FHOD3: variants seen among roughly 807,000 people sequenced by gnomAD.
FHOD3 encodes the protein FH1/FH2 domain-containing protein 3.
FHOD3 carries 90 observed loss-of-function variants against 173.0 expected under a neutral mutation model. That is an observed-to-expected ratio of 0.52 (90% CI 0.44 to 0.62). The LOEUF (loss-of-function observed/expected upper bound fraction) is 0.62. Among genes scored for constraint, FHOD3 ranks in the 20% least tolerant of loss-of-function variants. The pLI is 0.00. For synonymous variants in FHOD3, 828 were observed against 823.0 expected (o/e 1.01, Z -0.10); for missense variants, 1,945 against 2,034.7 (o/e 0.96, Z 0.85).
At chr18:36,693,662 AAG>A (rs1251622600) in intron 17 of FHOD3, among the ~76,000 whole-genome samples, 1 of 152,200 alleles carries the variant, frequency 6.6e-6, no homozygotes, top group African/African-American at 2.4e-5. Context: ...GCCATGGAAA[AAG>A]GAGAATATGG....
chr18:36,442,740 A>T (rs888383961), intron 3 of FHOD3, among the ~76,000 whole-genome samples: 2 of 152,204 alleles, frequency 1.3e-5, no homozygotes, highest in Non-Finnish European at 2.9e-5. Context: ...ATTAACATTG[A>T]TGCATTTCCA....
At chr18:36,748,382 A>AAAAC (rs2042250960) in intron 24 of FHOD3, among the ~76,000 whole-genome samples, 1 of 143,484 alleles carries the variant, frequency 7.0e-6, no homozygotes, top group Non-Finnish European at 1.5e-5. Flanking sequence ...ACACACACAC[A>AAAAC]ACACACACAC....
At chr18:36,683,702 C>A (rs2038408237) in intron 15 of FHOD3, among the ~76,000 whole-genome samples, 1 of 152,162 alleles carries the variant, frequency 6.6e-6, no homozygotes. Context: ...TAGAGAATTC[C>A]TGTTATTTCT....
intron 3 of FHOD3, among the ~76,000 whole-genome samples, chr18:36,395,868 G>A (rs546614123): frequency 1.3e-5 from 2 of 152,202 alleles, no homozygotes; most frequent in South Asian, 4.1e-4. Context: ...ACTTCTAAGA[G>A]GTAATTTGTC....
rs1156326898 is a variant in FHOD3 at position 36,755,110 on chromosome 18, TCC to T, written c.4233-8_4233-7del. The T allele has an allele frequency of 1.3e-6, 2 of 1,552,152 alleles. No individual in the cohort carries two copies. The highest frequency in any genetic ancestry group is 1.9e-5 in the Admixed American group (1 of 52,164). On this transcript the variant is annotated splice_polypyrimidine_tract_variant and splice_region_variant and intron_variant, in intron 24 of 28. Transcript: ENST00000590592. ...GGAAGTCATTGCTATTACTGTTTTTTCCTTGCAGATTCCACTCCTTTTTACTC... is the reference window on the plus strand; with the variant it reads ...GGAAGTCATTGCTATTACTGTTTTTTTTGCAGATTCCACTCCTTTTTACTC...
intron 3 of FHOD3, among the ~76,000 whole-genome samples, chr18:36,462,818 G>A (rs1254371715): frequency 1.3e-5 from 2 of 152,126 alleles, no homozygotes; most frequent in Non-Finnish European, 2.9e-5. Context: ...ATAGAGATGG[G>A]ATCTACCTAT....
At chr18:36,496,388 T>C (rs1174833260) in intron 3 of FHOD3, among the ~76,000 whole-genome samples, 2 of 152,174 alleles carry the variant, frequency 1.3e-5, no homozygotes, top group Non-Finnish European at 2.9e-5. Context: ...AAATGACAAA[T>C]TATATGTCAT....
At chr18:36,602,920 G>A in intron 8 of FHOD3, 152 bp downstream of exon 8, 1 of 639,948 alleles carries the variant, frequency 1.6e-6, no homozygotes, top group East Asian at 2.7e-5. Context: ...CAGCATGACT[G>A]TGTTCTTATA....
At position 36,753,970 on chromosome 18, in the gene FHOD3, A is replaced by G. The variant is rs541011602; in HGVS notation, c.4233-1149A>G. Reference sequence around the variant, plus strand: ...CTTATTAGACACATGACTTGCAAATATTTTCTCCTATCTTTTAGATTGTCT... The same window carrying G: ...CTTATTAGACACATGACTTGCAAATGTTTTCTCCTATCTTTTAGATTGTCT... On this transcript the variant is annotated intron_variant, in intron 24 of 28. Transcript: ENST00000590592. Among the ~76,000 whole-genome samples, 22 of 152,194 alleles carry G rather than the reference A, an allele frequency of 1.4e-4. No individual in the cohort carries two copies. In the South Asian group the frequency reaches 1.9e-3, roughly 13 times the overall value.
At position 36,594,901 on chromosome 18, in the gene FHOD3, G is replaced by T; in HGVS notation, c.718+3G>T. On this transcript the variant is annotated splice_donor_region_variant and intron_variant, in intron 7 of 28. Transcript: ENST00000590592. ...CACTGCTGTTGACACGAAAAGAGGTGAGTAGTCCCTGCCCCCTTATGTCAT... is the reference window on the plus strand; with the variant it reads ...CACTGCTGTTGACACGAAAAGAGGTTAGTAGTCCCTGCCCCCTTATGTCAT... 1 of 1,599,910 alleles carries T rather than the reference G, an allele frequency of 6.3e-7. No homozygotes were observed. The highest frequency in any genetic ancestry group is 8.6e-7 in the Non-Finnish European group (1 of 1,168,268).
At chr18:36,477,594 C>T (rs937911497) in intron 3 of FHOD3, among the ~76,000 whole-genome samples, 7 of 118,632 alleles carry the variant, frequency 5.9e-5, no homozygotes, top group Admixed American at 3.5e-4. Context: ...TACCTACCTA[C>T]CTACCTATCT....
intron 1 of FHOD3, among the ~76,000 whole-genome samples, chr18:36,302,246 C>T (rs1314951732): frequency 2.0e-5 from 3 of 152,138 alleles, no homozygotes; most frequent in African/African-American, 7.2e-5. Flanking sequence ...TTTCTCACTA[C>T]CCTTGTCTTT....
At chr18:36,336,424 G>A (rs990084498) in intron 1 of FHOD3, among the ~76,000 whole-genome samples, 1 of 152,202 alleles carries the variant, frequency 6.6e-6, no homozygotes, top group African/African-American at 2.4e-5. Flanking sequence ...GATGGTGACT[G>A]ATGACAGATC....
intron 1 of FHOD3, among the ~76,000 whole-genome samples, chr18:36,321,349 T>TG (rs140885834): frequency 0.03 from 4,500 of 152,098 alleles, 221 homozygotes; most frequent in African/African-American, 0.1. Flanking sequence ...AATAATGAGA[T>TG]GGGGGTCCCC....
intron 3 of FHOD3, among the ~76,000 whole-genome samples, chr18:36,457,166 G>A (rs1278581022): frequency 6.6e-6 from 1 of 152,188 alleles, no homozygotes; most frequent in African/African-American, 2.4e-5. Context: ...GAGAGGGACA[G>A]GTGAGGAGAA....
intron 3 of FHOD3, among the ~76,000 whole-genome samples, chr18:36,378,975 G>A (rs968551396): frequency 3.9e-4 from 59 of 152,274 alleles, no homozygotes; most frequent in Admixed American, 2.6e-3. Flanking sequence ...ATGAGCCACC[G>A]TGTCTGGCCA....
intron 7 of FHOD3, among the ~76,000 whole-genome samples, chr18:36,598,647 G>C (rs549057373): frequency 3.9e-5 from 6 of 151,976 alleles, no homozygotes; most frequent in African/African-American, 1.4e-4. Context: ...CCACCTCTGC[G>C]TTACGCCATT....
At chr18:36,500,259 A>G (rs2054961641) in intron 3 of FHOD3, among the ~76,000 whole-genome samples, 1 of 152,164 alleles carries the variant, frequency 6.6e-6, no homozygotes, top group South Asian at 2.1e-4. Context: ...TCTGGTAGGG[A>G]GACCTTTGAA....
At chr18:36,729,072 C>T (rs1173557837) in intron 19 of FHOD3, among the ~76,000 whole-genome samples, 1 of 152,242 alleles carries the variant, frequency 6.6e-6, no homozygotes, top group African/African-American at 2.4e-5. Context: ...GTCAGCCCTT[C>T]CAGACCCTGA....
Sources: allele counts gnomAD v4.1 joint callset (sites outside exome capture counted in the v4.1 genomes callset), GRCh38; gene constraint gnomAD v4.1.1; transcripts MANE v1.5; gene names NCBI Gene and HGNC (gene_info 2026-07-23, HGNC 2026-07-21).